The following RIC1 variants were observed in gnomAD, a reference collection of about 807,000 sequenced individuals.
RIC1 encodes the protein RIC1 partner of RAB6A GEF complex.
RIC1 carries 88 observed loss-of-function variants against 169.0 expected under a neutral mutation model. That is an observed-to-expected ratio of 0.52 (90% CI 0.44 to 0.62). The LOEUF (loss-of-function observed/expected upper bound fraction) is 0.62, where lower values mean the gene tolerates loss of function less well. RIC1 is among the 20% of genes least tolerant of loss of function. RIC1 has a pLI of 0.00. For synonymous variants in RIC1, 790 were observed against 601.5 expected (o/e 1.31, Z -4.59); for missense variants, 1,877 against 1,725.5 (o/e 1.09, Z -1.56).
intron 2 of RIC1, among the ~76,000 whole-genome samples, chr9:5,689,019 A>AATAGCACT (rs1821428427): frequency 6.6e-6 from 1 of 151,210 alleles, no homozygotes; most frequent in Non-Finnish European, 1.5e-5. Flanking sequence ...ATGATCATGT[A>AATAGCACT]ATAGCACTGT....
chr9:5,777,601 A>G (rs1439562823), downstream of RIC1, among the ~76,000 whole-genome samples: 2 of 152,092 alleles, frequency 1.3e-5, no homozygotes, highest in Admixed American at 1.3e-4. Flanking sequence ...AATATTTACG[A>G]CTAAGTTTTA....
chr9:5,757,268 A>G, intron 16 of RIC1, 45 bp from the exon 17 acceptor site: 2 of 1,605,476 alleles, frequency 1.2e-6, no homozygotes, highest in Middle Eastern at 1.7e-4. Flanking sequence ...AGAAAATCTT[A>G]TTAGCATTGT....
chr9:5,666,246 T>C (rs1031716466), intron 2 of RIC1, among the ~76,000 whole-genome samples: 12 of 152,218 alleles, frequency 7.9e-5, no homozygotes, highest in Admixed American at 7.2e-4. Context: ...AACCTTTCTC[T>C]TCCATGCTGT....
intron 1 of RIC1, among the ~76,000 whole-genome samples, chr9:5,632,126 C>G (rs114993596): frequency 2.6e-5 from 4 of 152,196 alleles, no homozygotes; most frequent in South Asian, 4.2e-4. Context: ...GAGACATGCT[C>G]GTAGAGATGA....
intron 6 of RIC1, among the ~76,000 whole-genome samples, chr9:5,727,174 G>A (rs149219733): frequency 4.3e-4 from 66 of 152,198 alleles, no homozygotes; most frequent in African/African-American, 1.4e-3. Context: ...CATTCTCCCC[G>A]TCACTTTCAG....
Position 5,775,319 on chromosome 9 carries a change from G to A in RIC1, c.*1073G>A, listed in dbSNP as rs1019589705. 2.0e-5 allele frequency: 3 copies of A among 152,124 alleles called. No individual in the cohort carries two copies. Among genetic ancestry groups the A allele is most frequent in the Non-Finnish European group, 2.9e-5 (2 of 68,016 alleles). 9.4% of individuals were successfully genotyped at this position (152,124 alleles called of 1,614,324 possible). A position where few individuals can be genotyped will look rare whatever the true frequency, so the allele number is the denominator to read the frequency against. On this transcript the variant is annotated 3_prime_UTR_variant, in exon 26 of 26. Coordinates refer to ENST00000414202, the MANE Select transcript of RIC1 (RefSeq NM_020829.4). ...ATGCATTCTTCATTGTAAACTTAAA[G>A]TATTTTATGTACTTCTAGAAATGAC...
chr9:5,707,585 C>A (rs1297846311), intron 3 of RIC1, among the ~76,000 whole-genome samples: 2 of 151,990 alleles, frequency 1.3e-5, no homozygotes. Context: ...GGTGTGGTAT[C>A]TTCTTGCTAG....
At chr9:5,640,156 G>T (rs1818169963) in intron 1 of RIC1, among the ~76,000 whole-genome samples, 1 of 152,090 alleles carries the variant, frequency 6.6e-6, no homozygotes, top group South Asian at 2.1e-4. Context: ...TTTACTTGCT[G>T]TGTTCCTTTT....
chr9:5,740,173 G>A (rs974939075), intron 8 of RIC1, among the ~76,000 whole-genome samples: 3 of 152,162 alleles, frequency 2.0e-5, no homozygotes, highest in African/African-American at 7.2e-5. Flanking sequence ...AAGGTGTTAT[G>A]TATAGAGTCA....
At position 5,738,535 on chromosome 9, in the gene RIC1, C is replaced by G. The variant is rs763581797; in HGVS notation, c.898C>G (p.Pro300Ala). 2 of 1,429,826 alleles carry G rather than the reference C, an allele frequency of 1.4e-6. No individual in the cohort carries two copies. The highest frequency in any genetic ancestry group is 1.3e-5 in the South Asian group (1 of 77,640). 88.6% of individuals were successfully genotyped at this position (1,429,826 alleles called of 1,614,324 possible). ...HKLELTAKQY[P>A]DIWNKTGAVK... is the part of the protein sequence containing the mutation. ...ATTAGAGCTAACAGCAAAACAGTAT[C>G]CTGGTGAGTCTTTTTTTTTTTTTTT... The change falls in exon 8 of 26, where the codon CCT becomes GCT. Residue 300 changes from proline (P) to alanine (A), a missense_variant. Pro to Ala is a conservative substitution (Grantham distance 27). Around this residue, in one of 3 missense-constraint regions of RIC1, gnomAD observed 1,104 missense variants for 992.0 expected, o/e 1.11. Coordinates refer to ENST00000414202, the MANE Select transcript of RIC1 (RefSeq NM_020829.4).
chr9:5,643,685 A>G (rs1160056055), intron 1 of RIC1, among the ~76,000 whole-genome samples: 1 of 152,176 alleles, frequency 6.6e-6, no homozygotes, highest in African/African-American at 2.4e-5. Flanking sequence ...TTTTTTTCCT[A>G]TGTGATTGTT....
At chr9:5,654,301 C>T (rs2130431885) in intron 1 of RIC1, among the ~76,000 whole-genome samples, 1 of 152,222 alleles carries the variant, frequency 6.6e-6, no homozygotes, top group South Asian at 2.1e-4. Context: ...GGCTGGAGTG[C>T]AATGGTGTGG....
intron 2 of RIC1, among the ~76,000 whole-genome samples, chr9:5,689,111 C>G (rs569758219): frequency 2.9e-5 from 4 of 137,034 alleles, no homozygotes; most frequent in Non-Finnish European, 6.0e-5. Flanking sequence ...TGCAGTGGCG[C>G]GATCTTAGCT....
intron 4 of RIC1, among the ~76,000 whole-genome samples, chr9:5,714,894 A>C (rs1394954769): frequency 6.6e-6 from 1 of 152,158 alleles, no homozygotes; most frequent in African/African-American, 2.4e-5. Flanking sequence ...ATTGAATTAT[A>C]TGAATGTCAT....
At chr9:5,657,666 T>TA (rs1324848372) in intron 2 of RIC1, among the ~76,000 whole-genome samples, 1 of 152,132 alleles carries the variant, frequency 6.6e-6, no homozygotes, top group Non-Finnish European at 1.5e-5. Flanking sequence ...ATACTGTATA[T>TA]AACACTGACT....
At chr9:5,713,010 A>G (rs922307574) in intron 3 of RIC1, 1 of 152,372 alleles carries the variant, frequency 6.6e-6, no homozygotes, top group South Asian at 2.1e-4. Context: ...AACTAAAAAA[A>G]TGAGCATCAA....
At chr9:5,695,706 G>A (rs190658642) in intron 3 of RIC1, among the ~76,000 whole-genome samples, 6 of 151,888 alleles carry the variant, frequency 4.0e-5, no homozygotes, top group African/African-American at 1.2e-4. Context: ...GAGTAGCTGG[G>A]ACTACAGGCA....
chr9:5,663,787 G>A (rs1025875866), intron 2 of RIC1, among the ~76,000 whole-genome samples: 3 of 152,006 alleles, frequency 2.0e-5, no homozygotes, highest in African/African-American at 7.2e-5. Context: ...TCTTTTAATT[G>A]GAGCATTTAG....
intron 1 of RIC1, among the ~76,000 whole-genome samples, chr9:5,636,510 G>A (rs1345644561): frequency 6.6e-6 from 1 of 152,032 alleles, no homozygotes; most frequent in Non-Finnish European, 1.5e-5. Context: ...AGTAGAGACA[G>A]GGTTTCACCA....
Sources: allele counts gnomAD v4.1 joint callset (sites outside exome capture counted in the v4.1 genomes callset), GRCh38; gene constraint gnomAD v4.1.1; regional missense constraint gnomAD v4.1.1; transcripts MANE v1.5; gene names NCBI Gene and HGNC (gene_info 2026-07-23, HGNC 2026-07-21).